Variants in S100A1 observed in about 807,000 individuals in gnomAD.
S100A1 encodes the protein S100 calcium binding protein A1, also known as protein S100-A1.
A neutral mutation model predicts 7.6 loss-of-function variants in S100A1; 3 were observed. The ratio of observed to expected loss-of-function variants is 0.40; its 90% CI spans 0.18 to 1.02. S100A1 has a LOEUF of 1.02. Among genes scored for constraint, S100A1 ranks in the 50% least tolerant of loss-of-function variants. S100A1 has a pLI of 0.35. For synonymous variants in S100A1, 49 were observed against 49.0 expected (o/e 1.00, Z 0.00); for missense variants, 126 against 115.0 (o/e 1.10, Z -0.44).
intron 2 of S100A1, chr1:153,631,478 C>T (rs531828301): frequency 1.1e-4 from 168 of 1,597,162 alleles, no homozygotes; most frequent in South Asian, 6.6e-4. Context: ...ACTGAACATA[C>T]GGTAACTGGT....
At chr1:153,631,518 G>T in intron 2 of S100A1, 180 bp from the exon 3 acceptor site, 1 of 1,613,416 alleles carries the variant, frequency 6.2e-7, no homozygotes, top group Non-Finnish European at 8.5e-7. Flanking sequence ...CCAGGTGAAA[G>T]AGCTTATGCT....
At chr1:153,631,495 A>T in intron 2 of S100A1, 1 of 1,609,420 alleles carries the variant, frequency 6.2e-7, no homozygotes, top group Admixed American at 1.7e-5. Context: ...TGGTGTCATT[A>T]TTATTCATTC....
In S100A1 at chr1:153,630,675, T is replaced by C; in HGVS notation, c.141+13T>C. ...TGGCTTCCTGGATGTGAGCATAGAG[T>C]GGTGGAGTGGGAGTGGAGTGGGTGA... On this transcript the variant is annotated intron_variant, in intron 2 of 2. Coordinates refer to ENST00000292169, the MANE Select transcript of S100A1 (RefSeq NM_006271.2). 6.2e-7 allele frequency: 1 copy of C among 1,613,484 alleles called. No individual in the cohort carries two copies. The highest frequency in any genetic ancestry group is 1.7e-5 in the Admixed American group (1 of 59,996).
intron 2 of S100A1, chr1:153,631,278 G>C: frequency 1.6e-6 from 1 of 624,978 alleles, no homozygotes. Context: ...GGTTTTATTG[G>C]ACTGGGTTCA....
chr1:153,631,913 T>C lies in S100A1; in HGVS notation c.*72T>C, dbSNP rs1668034422. ...CCTGCCTCTTCCCCCTGCTTCCACC[T>C]CACCCCACTTATCCCTCTCCATAAC... On this transcript the variant is annotated 3_prime_UTR_variant, in exon 3 of 3. Transcript: ENST00000292169. The C allele has an allele frequency of 6.4e-7, 1 of 1,559,908 alleles. No individual in the cohort carries two copies. Among genetic ancestry groups the C allele is most frequent in the African/African-American group, 1.3e-5 (1 of 74,138 alleles).
At chr1:153,630,229 T>G (rs1166577042) in intron 1 of S100A1, 3 of 485,118 alleles carry the variant, frequency 6.2e-6, no homozygotes, top group Non-Finnish European at 7.2e-6. Flanking sequence ...ACCACAGGCC[T>G]CTGGAGCCAG....
chr1:153,630,623 G>A lies in S100A1; in HGVS notation c.102G>A (p.Leu34=), dbSNP rs769258553. Reference sequence around the variant, plus strand: ...AGTACAAGCTGAGCAAGAAGGAGCTGAAAGAGCTGCTGCAGACGGAGCTCT... The same window carrying A: ...AGTACAAGCTGAGCAAGAAGGAGCTAAAAGAGCTGCTGCAGACGGAGCTCT... ...GDKYKLSKKE[L]KELLQTELSG... Residue 34 remains leucine (L), a synonymous_variant, in exon 2 of 3, where the codon CTG becomes CTA. Transcript: ENST00000292169. The A allele has an allele frequency of 6.2e-7, 1 of 1,614,124 alleles. No individual in the cohort carries two copies. Among genetic ancestry groups the A allele is most frequent in the African/African-American group, 1.3e-5 (1 of 74,958 alleles).
intron 2 of S100A1, chr1:153,631,093 A>C (rs918601038): frequency 3.4e-6 from 1 of 297,202 alleles, no homozygotes; most frequent in African/African-American, 2.2e-5. Flanking sequence ...GTAAATGCAG[A>C]CATTTTAGGA....
chr1:153,631,763 G>C lies in S100A1; in HGVS notation c.207G>C (p.Glu69Asp). ...MKELDENGDG[E>D]VDFQEYVVLV... The stretch of plus-strand genomic sequence containing the variant: ...AGCTAGACGAGAATGGAGACGGGGA[G>C]GTGGACTTCCAGGAGTATGTGGTGC... Residue 69 changes from glutamate (E) to aspartate (D), a missense_variant, in exon 3 of 3, where the codon GAG becomes GAC. By Grantham distance (45) the Glu-to-Asp change is conservative (BLOSUM62 2). Coordinates refer to ENST00000292169, the MANE Select transcript of S100A1 (RefSeq NM_006271.2). The C allele has an allele frequency of 6.2e-7, 1 of 1,614,214 alleles. No individual in the cohort carries two copies. Among genetic ancestry groups the C allele is most frequent in the Non-Finnish European group, 8.5e-7 (1 of 1,180,044 alleles).
chr1:153,631,787 G>A lies in S100A1; in HGVS notation c.231G>A (p.Val77=). Residue 77 remains valine (V), a synonymous_variant, in exon 3 of 3, where the codon GTG becomes GTA. Coordinates refer to ENST00000292169, the MANE Select transcript of S100A1 (RefSeq NM_006271.2). ...AGGTGGACTTCCAGGAGTATGTGGT[G>A]CTTGTGGCTGCTCTCACAGTGGCCT... ...DGEVDFQEYV[V]LVAALTVACN... The A allele has an allele frequency of 6.2e-7, 1 of 1,614,176 alleles. No individual in the cohort carries two copies. The highest frequency in any genetic ancestry group is 8.5e-7 in the Non-Finnish European group (1 of 1,180,036).
At chr1:153,629,353 A>C (rs1667871116) in intron 1 of S100A1, 5 of 152,238 alleles carry the variant, frequency 3.3e-5, no homozygotes, top group Admixed American at 2.6e-4. Context: ...TCAGGTCCGG[A>C]GTTCAGATGA....
In S100A1 at chr1:153,631,823, C is replaced by T. The variant is rs1298767734; in HGVS notation, c.267C>T (p.Phe89=). The stretch of plus-strand genomic sequence containing the variant: ...CTCTCACAGTGGCCTGTAACAATTT[C>T]TTCTGGGAGAACAGTTGAGCAGACA... ...VAALTVACNN[F]FWENS Residue 89 remains phenylalanine (F), a synonymous_variant, in exon 3 of 3, where the codon TTC becomes TTT. Transcript: ENST00000292169. The T allele has an allele frequency of 6.2e-7, 1 of 1,613,958 alleles. No homozygotes were observed. The highest frequency in any genetic ancestry group is 2.2e-5 in the East Asian group (1 of 44,900).
chr1:153,630,151 A>G (rs1482067146), intron 1 of S100A1: 7 of 382,058 alleles, frequency 1.8e-5, no homozygotes, highest in Non-Finnish European at 3.3e-5. Context: ...AGCATGGCCC[A>G]GTCCTGTGAC....
Position 153,631,720 on chromosome 1 carries a change from T to C in S100A1, c.164T>C (p.Val55Ala). 6.2e-7 allele frequency: 1 copy of C among 1,614,186 alleles called. No homozygotes were observed. The highest frequency in any genetic ancestry group is 8.5e-7 in the Non-Finnish European group (1 of 1,180,030). ...CAGGCCCAGAAGGATGTGGATGCTG[T>C]GGACAAGGTGATGAAGGAGCTAGAC... ...FLDAQKDVDA[V>A]DKVMKELDEN... is the part of the protein sequence containing the mutation. The change falls in exon 3 of 3, where the codon GTG (valine) becomes GCG (alanine). Residue 55 changes from valine (V) to alanine (A), a missense_variant. By Grantham distance (64) the Val-to-Ala change is moderately conservative. Transcript: ENST00000292169.
Position 153,628,493 on chromosome 1 carries a change from A to G in S100A1, c.-17A>G. ...CCTGCTCCCACCTCAGGCCCAGGCC[A>G]ACCGTGAGTACCCTGCCCCACTGGG... On this transcript the variant is annotated 5_prime_UTR_variant, in exon 1 of 3. Coordinates refer to ENST00000292169, the MANE Select transcript of S100A1 (RefSeq NM_006271.2). The G allele has an allele frequency of 1.9e-6, 3 of 1,550,692 alleles. No individual in the cohort carries two copies. The highest frequency in any genetic ancestry group is 2.6e-6 in the Non-Finnish European group (3 of 1,146,954).
At position 153,631,924 on chromosome 1, in the gene S100A1, A is replaced by G; in HGVS notation, c.*83A>G. The G allele has an allele frequency of 6.5e-7, 1 of 1,534,274 alleles. No individual in the cohort carries two copies. The highest frequency in any genetic ancestry group is 2.3e-5 in the East Asian group (1 of 44,380). On this transcript the variant is annotated 3_prime_UTR_variant, in exon 3 of 3. Coordinates refer to ENST00000292169, the MANE Select transcript of S100A1 (RefSeq NM_006271.2). The stretch of plus-strand genomic sequence containing the variant: ...CCCCTGCTTCCACCTCACCCCACTT[A>G]TCCCTCTCCATAACCCCACCCTTGC...
rs925298501 is a variant in S100A1, at chr1:153,631,911, C to T, written c.*70C>T. On this transcript the variant is annotated 3_prime_UTR_variant, in exon 3 of 3. Transcript: ENST00000292169. ...GACCTGCCTCTTCCCCCTGCTTCCA[C>T]CTCACCCCACTTATCCCTCTCCATA... 7.0e-6 allele frequency: 11 copies of T among 1,565,240 alleles called. No homozygotes were observed. Among genetic ancestry groups the T allele is most frequent in the Non-Finnish European group, 9.5e-6 (11 of 1,154,848 alleles).
chr1:153,630,519 G>C lies in S100A1; in HGVS notation c.-3G>C, dbSNP rs574469325. 6 of 1,614,080 alleles carry C rather than the reference G, an allele frequency of 3.7e-6. No homozygotes were observed. Among genetic ancestry groups the C allele is most frequent in the Middle Eastern group, 1.7e-4 (1 of 6,048 alleles). Reference sequence around the variant, plus strand: ...GATGGGGGTGGGTAGGTGCACTGCTGCAATGGGCTCTGAGCTGGAGACGGC... The same window carrying C: ...GATGGGGGTGGGTAGGTGCACTGCTCCAATGGGCTCTGAGCTGGAGACGGC... On this transcript the variant is annotated 5_prime_UTR_variant, in exon 2 of 3. Transcript: ENST00000292169.
intron 2 of S100A1, chr1:153,631,375 G>T: frequency 1.6e-6 from 2 of 1,278,144 alleles, no homozygotes; most frequent in South Asian, 1.4e-5. Flanking sequence ...CTCTAGAATG[G>T]AAATAATGAA....
Sources: allele counts gnomAD v4.1 joint callset, GRCh38; gene constraint gnomAD v4.1.1; transcripts MANE v1.5; gene names NCBI Gene and HGNC (gene_info 2026-07-23, HGNC 2026-07-21).